GSG1L: variants seen among roughly 807,000 people sequenced by gnomAD.
The protein encoded by GSG1L is GSG1 like, also known as germ cell-specific gene 1-like protein.
Under a neutral mutation model 42.1 loss-of-function variants are expected in GSG1L, and 24 were observed. That is an observed-to-expected ratio of 0.57 (90% CI 0.41 to 0.80). GSG1L has a LOEUF of 0.80. Among genes scored for constraint, GSG1L ranks in the 30% least tolerant of loss-of-function variants. The pLI, the probability that GSG1L is intolerant of heterozygous loss-of-function variation, is 0.00. For synonymous variants in GSG1L, 215 were observed against 203.5 expected, an observed-to-expected ratio of 1.06 and a Z score of -0.48; for missense variants, 445 against 472.2, an observed-to-expected ratio of 0.94 and a Z score of 0.53.
intron 5 of GSG1L, among the ~76,000 whole-genome samples, chr16:27,807,864 A>G (rs990015557): frequency 6.6e-6 from 1 of 152,184 alleles, no homozygotes; most frequent in Non-Finnish European, 1.5e-5. Context: ...AAAATAAATT[A>G]TTTGCGAATG....
At chr16:27,890,742 T>C (rs2084115862) in intron 2 of GSG1L, among the ~76,000 whole-genome samples, 1 of 152,202 alleles carries the variant, frequency 6.6e-6, no homozygotes, top group Non-Finnish European at 1.5e-5. Flanking sequence ...CCAGAAGGAA[T>C]GTCCATGAGC....
At chr16:27,941,386 A>G (rs2084792406) in intron 2 of GSG1L, among the ~76,000 whole-genome samples, 2 of 151,174 alleles carry the variant, frequency 1.3e-5, no homozygotes, top group South Asian at 4.2e-4. Context: ...GAATGACACA[A>G]TGGGCTGGGC....
intron 1 of GSG1L, among the ~76,000 whole-genome samples, chr16:27,987,791 C>CA (rs1423158975): frequency 6.6e-6 from 1 of 151,858 alleles, no homozygotes; most frequent in African/African-American, 2.4e-5. Flanking sequence ...TACTAAAATA[C>CA]AAAAAACTAG....
chr16:27,904,748 G>A (rs900501829), intron 2 of GSG1L, among the ~76,000 whole-genome samples: 13 of 152,042 alleles, frequency 8.6e-5, no homozygotes, highest in Non-Finnish European at 1.6e-4. Context: ...ACCTCTGATG[G>A]AAACACGATT....
At chr16:27,935,010 T>C (rs1472393523) in intron 2 of GSG1L, among the ~76,000 whole-genome samples, 3 of 152,152 alleles carry the variant, frequency 2.0e-5, no homozygotes, top group Non-Finnish European at 2.9e-5. Context: ...ACAGAAAACA[T>C]GTGAACGCAT....
At chr16:27,811,267 A>G (rs1055503390) in intron 5 of GSG1L, among the ~76,000 whole-genome samples, 1 of 152,132 alleles carries the variant, frequency 6.6e-6, no homozygotes, top group African/African-American at 2.4e-5. Flanking sequence ...GATCTCACCC[A>G]CCTTTTTTTC....
chr16:28,046,792 C>A (rs759721682), intron 1 of GSG1L, among the ~76,000 whole-genome samples: 1 of 152,180 alleles, frequency 6.6e-6, no homozygotes, highest in African/African-American at 2.4e-5. Context: ...ACAAAGCCTG[C>A]GCAAAGCCTT....
intron 2 of GSG1L, among the ~76,000 whole-genome samples, chr16:27,894,594 G>A (rs2084168559): frequency 1.3e-5 from 2 of 152,214 alleles, no homozygotes; most frequent in African/African-American, 4.8e-5. Context: ...AGATGATGTG[G>A]ACTGGGACCT....
intron 2 of GSG1L, among the ~76,000 whole-genome samples, chr16:27,911,927 G>C (rs531974821): frequency 6.6e-6 from 1 of 152,188 alleles, no homozygotes; most frequent in Non-Finnish European, 1.5e-5. Flanking sequence ...AAGCTCCATG[G>C]AGGCAGGGGT....
At position 27,810,051 on chromosome 16, in the gene GSG1L, A is replaced by T. The variant is rs2083013837; in HGVS notation, c.831-2497T>A. 2.0e-5 allele frequency among the ~76,000 whole-genome samples: 3 copies of T among 152,200 alleles called. No individual in the cohort carries two copies. In the South Asian group the frequency reaches 6.2e-4, roughly 32 times the overall value. On this transcript the variant is annotated intron_variant, in intron 5 of 6. Transcript: ENST00000447459. Reference sequence around the variant, plus strand: ...CAATCATTCATTCATTCATTCGCTCATTCACCAGGAACTTCCTGAGGACCT... The same window carrying T: ...CAATCATTCATTCATTCATTCGCTCTTTCACCAGGAACTTCCTGAGGACCT...
At chr16:27,815,938 T>C (rs1332797002) in intron 5 of GSG1L, among the ~76,000 whole-genome samples, 1 of 152,186 alleles carries the variant, frequency 6.6e-6, no homozygotes, top group South Asian at 2.1e-4. Flanking sequence ...CACTCCAGCC[T>C]GGGTGACAGA....
At chr16:27,873,957 C>T (rs893342363) in intron 3 of GSG1L, among the ~76,000 whole-genome samples, 4 of 152,216 alleles carry the variant, frequency 2.6e-5, no homozygotes, top group Admixed American at 2.0e-4. Flanking sequence ...AGTCCCCAAA[C>T]AGGGAAGACT....
At chr16:28,013,107 C>G (rs1453514547) in intron 1 of GSG1L, among the ~76,000 whole-genome samples, 2 of 151,668 alleles carry the variant, frequency 1.3e-5, no homozygotes, top group African/African-American at 4.8e-5. Context: ...GCCTGTAATC[C>G]CAGTTACTTG....
intron 2 of GSG1L, among the ~76,000 whole-genome samples, chr16:27,926,844 C>T (rs558593783): frequency 3.3e-5 from 5 of 152,254 alleles, no homozygotes; most frequent in South Asian, 2.1e-4. Flanking sequence ...AAGTGTCCAC[C>T]GGGATAGAAG....
chr16:27,800,826 T>C (rs1462401568), intron 6 of GSG1L, among the ~76,000 whole-genome samples: 4 of 152,144 alleles, frequency 2.6e-5, no homozygotes, highest in Admixed American at 6.5e-5. Context: ...TCTTGGGATA[T>C]ACACAGGAAC....
intron 2 of GSG1L, among the ~76,000 whole-genome samples, chr16:27,892,789 C>CAAA (rs67758245): frequency 3.1e-5 from 3 of 96,648 alleles, no homozygotes; most frequent in African/African-American, 1.2e-4. Context: ...GACTCAGTCT[C>CAAA]AAAAAAAAAA....
intron 2 of GSG1L, among the ~76,000 whole-genome samples, chr16:27,959,518 G>C (rs917529923): frequency 1.5e-4 from 18 of 119,004 alleles, no homozygotes; most frequent in Non-Finnish European, 2.1e-4. Flanking sequence ...GAGGGGGAGG[G>C]AAGGGGAGGG....
intron 5 of GSG1L, among the ~76,000 whole-genome samples, chr16:27,824,376 C>T (rs759175523): frequency 6.6e-6 from 1 of 152,172 alleles, no homozygotes; most frequent in Non-Finnish European, 1.5e-5. Context: ...CTCTGTCCCC[C>T]GTGGAGGAGA....
intron 2 of GSG1L, among the ~76,000 whole-genome samples, chr16:27,946,029 G>C (rs2084856476): frequency 6.6e-6 from 1 of 152,250 alleles, no homozygotes; most frequent in Non-Finnish European, 1.5e-5. Context: ...ACACAGCAAA[G>C]CAGACCAAAG....
Sources: allele counts gnomAD v4.1 joint callset (sites outside exome capture counted in the v4.1 genomes callset), GRCh38; gene constraint gnomAD v4.1.1; transcripts MANE v1.5; gene names NCBI Gene and HGNC (gene_info 2026-07-23, HGNC 2026-07-21).